ASXL3: variants seen among roughly 807,000 people sequenced by gnomAD.
The protein encoded by ASXL3 is putative Polycomb group protein ASXL3.
In ASXL3, 34 loss-of-function variants were observed where a neutral mutation model predicts 170.6. The ratio of observed to expected loss-of-function variants is 0.20; its 90% CI spans 0.15 to 0.27. The LOEUF (loss-of-function observed/expected upper bound fraction) is 0.27. ASXL3 is among the 10% of genes least tolerant of loss of function. The probability of loss-of-function intolerance (pLI) is 1.00; values close to 1 mark genes in which losing one functional copy is unlikely to be tolerated. For synonymous variants in ASXL3, 1,002 were observed against 989.1 expected, an observed-to-expected ratio of 1.01 and a Z score of -0.24; for missense variants, 2,592 against 2,695.3, an observed-to-expected ratio of 0.96 and a Z score of 0.85.
intron 1 of ASXL3, among the ~76,000 whole-genome samples, chr18:33,602,040 G>A (rs928957818): frequency 7.3e-5 from 11 of 151,672 alleles, no homozygotes; most frequent in Admixed American, 5.9e-4. Flanking sequence ...GGGCTCAAAC[G>A]ATCTGCATAC....
intron 4 of ASXL3, among the ~76,000 whole-genome samples, chr18:33,658,340 A>AT (rs1466032602): frequency 1.3e-5 from 2 of 152,126 alleles, no homozygotes; most frequent in African/African-American, 2.4e-5. Flanking sequence ...AAAACCTTGC[A>AT]TTTTGTCAGA....
intron 8 of ASXL3, among the ~76,000 whole-genome samples, chr18:33,711,660 G>A (rs1241984372): frequency 1.3e-5 from 2 of 152,142 alleles, no homozygotes; most frequent in Non-Finnish European, 2.9e-5. Flanking sequence ...TTAGATGGTT[G>A]GTTGTTTGCG....
intron 8 of ASXL3, among the ~76,000 whole-genome samples, chr18:33,717,847 T>C (rs1350936789): frequency 6.6e-6 from 1 of 152,166 alleles, no homozygotes; most frequent in African/African-American, 2.4e-5. Flanking sequence ...TCCCGTTTTC[T>C]GGTTTGTGCA....
At chr18:33,594,348 T>C (rs1304701643) in intron 1 of ASXL3, among the ~76,000 whole-genome samples, 1 of 152,200 alleles carries the variant, frequency 6.6e-6, no homozygotes, top group Non-Finnish European at 1.5e-5. Flanking sequence ...TTTTTCTTCG[T>C]TCTGTCATCA....
Position 33,702,423 on chromosome 18 carries a change from T to C in ASXL3, c.879+18855T>C, listed in dbSNP as rs148023523. On this transcript the variant is annotated intron_variant, in intron 8 of 11. Coordinates refer to ENST00000269197, the MANE Select transcript of ASXL3 (RefSeq NM_030632.3). ...TAACTTGGTTAGAGATTTGAGTGTA[T>C]TATTTTAGTGAAGCTACTTTCTCTG... Among the ~76,000 whole-genome samples, 666 of 152,270 alleles carry C rather than the reference T, an allele frequency of 4.4e-3. 4 individuals carry two copies. Among genetic ancestry groups the C allele is most frequent in the African/African-American group, 0.015 (640 of 41,562 alleles).
At chr18:33,593,220 C>A (rs905980713) in intron 1 of ASXL3, among the ~76,000 whole-genome samples, 10 of 124,402 alleles carry the variant, frequency 8.0e-5, no homozygotes, top group Admixed American at 1.6e-4. Flanking sequence ...TTCTTTCTTT[C>A]TTTATTTCTT....
At chr18:33,658,395 T>G (rs1415691914) in intron 4 of ASXL3, among the ~76,000 whole-genome samples, 2 of 152,102 alleles carry the variant, frequency 1.3e-5, no homozygotes. Context: ...ACTCAGTGAA[T>G]TAGTGTTTTT....
At chr18:33,657,026 C>A (rs1327208157) in intron 4 of ASXL3, among the ~76,000 whole-genome samples, 2 of 152,070 alleles carry the variant, frequency 1.3e-5, no homozygotes, top group African/African-American at 2.4e-5. Flanking sequence ...GCATGTAAGT[C>A]CCTGAGTTTC....
At chr18:33,670,966 G>GA in intron 6 of ASXL3, among the ~76,000 whole-genome samples, 176 bp downstream of exon 6, 1 of 152,188 alleles carries the variant, frequency 6.6e-6, no homozygotes, top group East Asian at 1.9e-4. Context: ...TTCCAGTTCA[G>GA]AAAAGAAAAA....
intron 4 of ASXL3, among the ~76,000 whole-genome samples, chr18:33,660,113 T>A (rs753169159): frequency 7.2e-5 from 11 of 152,100 alleles, no homozygotes; most frequent in Non-Finnish European, 1.5e-4. Context: ...TTGAATCCCA[T>A]CTCTGCAGTT....
intron 1 of ASXL3, among the ~76,000 whole-genome samples, chr18:33,596,906 C>T (rs1317359516): frequency 6.6e-6 from 1 of 152,148 alleles, no homozygotes; most frequent in Admixed American, 6.6e-5. Flanking sequence ...ATCTCCACCT[C>T]TCAGACTCAA....
chr18:33,604,142 A>G (rs1384486588), intron 1 of ASXL3, among the ~76,000 whole-genome samples: 1 of 152,060 alleles, frequency 6.6e-6, no homozygotes, highest in Non-Finnish European at 1.5e-5. Flanking sequence ...GCATACAGCT[A>G]TTATAAAGGA....
intron 2 of ASXL3, among the ~76,000 whole-genome samples, chr18:33,642,590 G>C (rs1294882012): frequency 6.6e-6 from 1 of 151,898 alleles, no homozygotes; most frequent in Non-Finnish European, 1.5e-5. Flanking sequence ...AATTGCAATA[G>C]TTATTGAGAC....
chr18:33,668,179 A>G (rs1158801411), intron 5 of ASXL3, among the ~76,000 whole-genome samples: 3 of 152,152 alleles, frequency 2.0e-5, no homozygotes, highest in African/African-American at 7.2e-5. Flanking sequence ...TAATCCAAGT[A>G]CTTTGGGAGG....
intron 4 of ASXL3, among the ~76,000 whole-genome samples, chr18:33,653,131 G>A (rs2066028959): frequency 6.6e-6 from 1 of 152,148 alleles, no homozygotes; most frequent in Middle Eastern, 3.4e-3. Context: ...TTTTGCTGGA[G>A]GTTTTACAGT....
intron 8 of ASXL3, among the ~76,000 whole-genome samples, chr18:33,730,108 G>T (rs1260630639): frequency 6.6e-6 from 1 of 152,094 alleles, no homozygotes; most frequent in Non-Finnish European, 1.5e-5. Flanking sequence ...GGATGATTTT[G>T]CCTCCACAGG....
intron 1 of ASXL3, among the ~76,000 whole-genome samples, chr18:33,583,910 T>G (rs1033913431): frequency 6.6e-6 from 1 of 152,180 alleles, no homozygotes; most frequent in African/African-American, 2.4e-5. Flanking sequence ...TGTATATGAT[T>G]CAGATGCTGT....
chr18:33,714,716 C>T (rs2067135495), intron 8 of ASXL3, among the ~76,000 whole-genome samples: 1 of 152,086 alleles, frequency 6.6e-6, no homozygotes, highest in Non-Finnish European at 1.5e-5. Flanking sequence ...GTACATGTTC[C>T]ACCAGGCCCC....
chr18:33,598,475 G>A (rs556266571), intron 1 of ASXL3, among the ~76,000 whole-genome samples: 18 of 152,178 alleles, frequency 1.2e-4, no homozygotes, highest in South Asian at 4.2e-4. Flanking sequence ...ATAAGAAAGC[G>A]TTTATCTGCT....
Sources: allele counts gnomAD v4.1 joint callset (sites outside exome capture counted in the v4.1 genomes callset), GRCh38; gene constraint gnomAD v4.1.1; transcripts MANE v1.5; gene names NCBI Gene and HGNC (gene_info 2026-07-23, HGNC 2026-07-21).